ADAMTS3: variants seen among roughly 807,000 people sequenced by gnomAD.
The protein encoded by ADAMTS3 is ADAM metallopeptidase with thrombospondin type 1 motif 3.
ADAMTS3 carries 73 observed loss-of-function variants against 129.0 expected under a neutral mutation model. The ratio of observed to expected loss-of-function variants is 0.57; its 90% confidence interval spans 0.47 to 0.69. The LOEUF is 0.69. Ranked by LOEUF, ADAMTS3 falls within the 30% of genes least tolerant of loss-of-function variation. The pLI, the probability that ADAMTS3 is intolerant of heterozygous loss-of-function variation, is 0.00. For missense variants in ADAMTS3, 1,457 were observed against 1,514.5 expected, an observed-to-expected ratio of 0.96 and a Z score of 0.63; for synonymous variants, 477 against 510.8, an observed-to-expected ratio of 0.93 and a Z score of 0.89.
Position 72,531,078 on chromosome 4 carries a change from G to A in ADAMTS3, c.504+17400C>T, listed in dbSNP as rs576737793. 4.6e-5 allele frequency among the ~76,000 whole-genome samples: 7 copies of A among 151,718 alleles called. No homozygotes were observed. In the East Asian group the frequency reaches 5.8e-4, roughly 13 times the overall value. On this transcript the variant is annotated intron_variant, in intron 3 of 21. Coordinates refer to ENST00000286657, the MANE Select transcript of ADAMTS3 (RefSeq NM_014243.3). ...GTGAAGAAGGGGGCAATAATTGGCCGAAAACACCAGTCAGGAGGTCATTGT... is the reference window on the plus strand; with the variant it reads ...GTGAAGAAGGGGGCAATAATTGGCCAAAAACACCAGTCAGGAGGTCATTGT...
intron 3 of ADAMTS3, among the ~76,000 whole-genome samples, chr4:72,429,324 T>C (rs555184900): frequency 6.6e-6 from 1 of 152,054 alleles, no homozygotes; most frequent in Non-Finnish European, 1.5e-5. Context: ...ATTTCACAGA[T>C]TTTTACAATT....
At chr4:72,431,526 T>G (rs1264357918) in intron 3 of ADAMTS3, among the ~76,000 whole-genome samples, 1 of 151,990 alleles carries the variant, frequency 6.6e-6, no homozygotes, top group Non-Finnish European at 1.5e-5. Context: ...AAAACTTTGT[T>G]TCATGCACAA....
intron 3 of ADAMTS3, among the ~76,000 whole-genome samples, chr4:72,484,036 A>G (rs1298950377): frequency 7.9e-5 from 12 of 152,152 alleles, no homozygotes; most frequent in East Asian, 1.9e-4. Context: ...AAGAAAGAAA[A>G]AAAAAAGATA....
chr4:72,548,451 A>T, intron 3 of ADAMTS3, 27 bp downstream of exon 3: 1 of 1,603,600 alleles, frequency 6.2e-7, no homozygotes, highest in East Asian at 2.2e-5. Context: ...ACCTGCAAAC[A>T]TACGCACAAA....
At chr4:72,364,191 C>A (rs1268949961) in intron 4 of ADAMTS3, among the ~76,000 whole-genome samples, 3 of 151,324 alleles carry the variant, frequency 2.0e-5, no homozygotes, top group Non-Finnish European at 2.9e-5. Context: ...CAGAACCATG[C>A]ATGCATGTAC....
chr4:72,491,693 G>C (rs1719749359), intron 3 of ADAMTS3, among the ~76,000 whole-genome samples: 1 of 151,616 alleles, frequency 6.6e-6, no homozygotes, highest in African/African-American at 2.4e-5. Context: ...GAGGATTTTT[G>C]CATCCATGTT....
intron 3 of ADAMTS3, among the ~76,000 whole-genome samples, chr4:72,542,935 A>C (rs552011654): frequency 6.6e-6 from 1 of 152,296 alleles, no homozygotes; most frequent in South Asian, 2.1e-4. Context: ...GCTGGTAATG[A>C]TACACACATT....
At chr4:72,452,762 G>T (rs1422356248) in intron 3 of ADAMTS3, among the ~76,000 whole-genome samples, 2 of 151,654 alleles carry the variant, frequency 1.3e-5, no homozygotes, top group African/African-American at 4.8e-5. Flanking sequence ...CTGGGCTTTG[G>T]TACCTGCCCA....
At chr4:72,459,887 C>T (rs1187546803) in intron 3 of ADAMTS3, among the ~76,000 whole-genome samples, 1 of 151,466 alleles carries the variant, frequency 6.6e-6, no homozygotes, top group Non-Finnish European at 1.5e-5. Flanking sequence ...ATATCTTATA[C>T]ACATAGCCTG....
At chr4:72,293,522 T>C (rs890755336) in intron 19 of ADAMTS3, among the ~76,000 whole-genome samples, 4 of 152,138 alleles carry the variant, frequency 2.6e-5, no homozygotes, top group Admixed American at 1.3e-4. Context: ...GCCTTTAAAC[T>C]GGCTTACACT....
intron 3 of ADAMTS3, among the ~76,000 whole-genome samples, chr4:72,434,259 G>A (rs1025977711): frequency 6.6e-6 from 1 of 151,402 alleles, no homozygotes; most frequent in African/African-American, 2.4e-5. Context: ...TTACAAATAC[G>A]TAGCCCATTT....
intron 2 of ADAMTS3, among the ~76,000 whole-genome samples, chr4:72,564,795 C>T (rs1216277564): frequency 6.6e-6 from 1 of 152,144 alleles, no homozygotes; most frequent in African/African-American, 2.4e-5. Flanking sequence ...TAAAAGCCTT[C>T]CTAGTCTAGA....
At chr4:72,530,706 T>A (rs1173983768) in intron 3 of ADAMTS3, among the ~76,000 whole-genome samples, 1 of 94,092 alleles carries the variant, frequency 1.1e-5, no homozygotes, top group Non-Finnish European at 1.9e-5. Context: ...TCATATATTA[T>A]ATATTATATA....
In ADAMTS3 at chr4:72,320,856, T is replaced by A; in HGVS notation, c.960A>T (p.Ile320=). The A allele has an allele frequency of 6.2e-7, 1 of 1,613,940 alleles. No homozygotes were observed. Among genetic ancestry groups the A allele is most frequent in the Non-Finnish European group, 8.5e-7 (1 of 1,179,866 alleles). Residue 320 remains isoleucine, a synonymous_variant, in exon 7 of 22, where the codon ATA becomes ATT. Transcript: ENST00000286657. ...MLGYAKSISL[I]ERGNPSRSLE... is the part of the protein sequence containing the mutation. ...AGCTTCTGGATGGGTTTCCCCTTTC[T>A]ATGAGGCTGATGGACTAAGTGAAAA...
chr4:72,356,495 A>C (rs1720585557), intron 4 of ADAMTS3, among the ~76,000 whole-genome samples: 1 of 151,860 alleles, frequency 6.6e-6, no homozygotes, highest in African/African-American at 2.4e-5. Context: ...ATCAATACTC[A>C]CTGTGCTTTC....
chr4:72,300,154 A>C (rs1718914202), intron 17 of ADAMTS3, among the ~76,000 whole-genome samples: 1 of 152,032 alleles, frequency 6.6e-6, no homozygotes, highest in South Asian at 2.1e-4. Flanking sequence ...CACCATTCGA[A>C]CAACCCTTAC....
chr4:72,283,384 G>C lies in ADAMTS3; in HGVS notation c.3370C>G (p.Pro1124Ala). 1 of 1,613,698 alleles carries C rather than the reference G, an allele frequency of 6.2e-7. No individual in the cohort carries two copies. Among genetic ancestry groups the C allele is most frequent in the Non-Finnish European group, 8.5e-7 (1 of 1,179,712 alleles). Residue 1124 changes from proline to alanine, a missense_variant, in exon 22 of 22, where the codon CCT becomes GCT. Pro to Ala is a conservative substitution (Grantham distance 27, BLOSUM62 -1). Transcript: ENST00000286657. ...AYAAFRPNSK[P>A]DGANLRQRSA... is the part of the protein sequence containing the mutation. The stretch of plus-strand genomic sequence containing the variant: ...CTCTGGCGTAAATTAGCACCATCAG[G>C]TTTACTGTTTGGCCTGAAAGCAGCA...
At chr4:72,336,238 G>T (rs560729474) in intron 5 of ADAMTS3, among the ~76,000 whole-genome samples, 1 of 152,286 alleles carries the variant, frequency 6.6e-6, no homozygotes, top group South Asian at 2.1e-4. Flanking sequence ...CAAAAAGATA[G>T]AATTTTTTGC....
At chr4:72,533,641 A>G (rs2109767702) in intron 3 of ADAMTS3, among the ~76,000 whole-genome samples, 2 of 151,924 alleles carry the variant, frequency 1.3e-5, no homozygotes, top group Non-Finnish European at 2.9e-5. Flanking sequence ...GTATATGCAC[A>G]TATGTATATA....
Sources: gnomAD v4.1 joint callset for allele counts (sites outside exome capture counted in the v4.1 genomes callset) on GRCh38, gnomAD v4.1.1 for gene constraint, MANE v1.5 for transcripts, NCBI Gene and HGNC (gene_info 2026-07-23, HGNC 2026-07-21) for gene names.